Variants in LINGO2 observed in about 807,000 individuals in gnomAD.
LINGO2 encodes the protein leucine rich repeat and Ig domain containing 2.
LINGO2 carries 14 observed loss-of-function variants against 30.6 expected under a neutral mutation model. That is an observed-to-expected ratio of 0.46 (90% CI 0.30 to 0.72). The LOEUF (loss-of-function observed/expected upper bound fraction) is 0.72. Among genes scored for constraint, LINGO2 ranks in the 30% least tolerant of loss-of-function variants. The probability of loss-of-function intolerance (pLI) is 0.07; values close to 1 mark genes in which losing one functional copy is unlikely to be tolerated. For synonymous variants in LINGO2, 317 were observed against 288.5 expected, an observed-to-expected ratio of 1.10 and a Z score of -1.00; for missense variants, 729 against 751.7, an observed-to-expected ratio of 0.97 and a Z score of 0.35.
At chr9:29,005,087 T>C in the LINGO2 span, among the ~76,000 whole-genome samples, 2 of 152,014 alleles carry the variant, frequency 1.3e-5, no homozygotes, top group Admixed American at 6.6e-5. Context: ...ATATGTATCA[T>C]AGAGTTATCA....
chr9:28,173,139 T>TCA (rs1554682219), intron 4 of LINGO2, among the ~76,000 whole-genome samples: 6 of 152,058 alleles, frequency 3.9e-5, no homozygotes, highest in African/African-American at 1.2e-4. Context: ...TCAAGGTCTG[T>TCA]TATATATATA....
the LINGO2 span, among the ~76,000 whole-genome samples, chr9:29,059,127 GA>G: frequency 1.3e-5 from 2 of 151,512 alleles, no homozygotes; most frequent in African/African-American, 4.8e-5. Context: ...ATATTTATGA[GA>G]AAAAATAAAA....
chr9:28,687,025 A>G, the LINGO2 span, among the ~76,000 whole-genome samples: 7 of 152,266 alleles, frequency 4.6e-5, no homozygotes, highest in Admixed American at 4.6e-4. Flanking sequence ...AGACAGTTAC[A>G]TCATTGACCA....
chr9:28,369,441 C>T (rs926374578), intron 3 of LINGO2, among the ~76,000 whole-genome samples: 11 of 152,296 alleles, frequency 7.2e-5, no homozygotes, highest in East Asian at 5.8e-4. Context: ...AACCACTACA[C>T]GTGCTGCCAC....
chr9:28,309,367 G>T (rs1824511421), intron 3 of LINGO2, among the ~76,000 whole-genome samples: 1 of 150,958 alleles, frequency 6.6e-6, no homozygotes, highest in Admixed American at 6.6e-5. Flanking sequence ...TCACTCATAG[G>T]TGGGAATTGA....
At chr9:28,156,999 G>A (rs534551996) in intron 4 of LINGO2, among the ~76,000 whole-genome samples, 4 of 152,298 alleles carry the variant, frequency 2.6e-5, no homozygotes, top group South Asian at 2.1e-4. Context: ...TTCCAGGTGC[G>A]TGGTGCAAAC....
At chr9:28,547,528 G>A (rs1162332794) in intron 1 of LINGO2, among the ~76,000 whole-genome samples, 1 of 152,022 alleles carries the variant, frequency 6.6e-6, no homozygotes, top group African/African-American at 2.4e-5. Context: ...AACAACTTTA[G>A]TTCTTTAAGA....
At chr9:28,231,141 A>C (rs1003366317) in intron 4 of LINGO2, among the ~76,000 whole-genome samples, 2 of 150,360 alleles carry the variant, frequency 1.3e-5, no homozygotes, top group African/African-American at 4.9e-5. Flanking sequence ...GATCAATGAG[A>C]TCAAGGGTTA....
intron 5 of LINGO2, among the ~76,000 whole-genome samples, chr9:27,983,007 C>T (rs903804653): frequency 4.6e-4 from 70 of 151,656 alleles, no homozygotes; most frequent in African/African-American, 1.7e-3. Context: ...GTCACCTTGC[C>T]TCTCCCCACA....
chr9:29,140,397 T>G, the LINGO2 span, among the ~76,000 whole-genome samples: 2 of 151,504 alleles, frequency 1.3e-5, no homozygotes, highest in Non-Finnish European at 2.9e-5. Flanking sequence ...ATACCTGAAT[T>G]TAAAAGCTCA....
chr9:28,923,984 G>C, the LINGO2 span, among the ~76,000 whole-genome samples: 3 of 152,172 alleles, frequency 2.0e-5, no homozygotes, highest in Non-Finnish European at 4.4e-5. Flanking sequence ...GCTCGGTCTA[G>C]AAAACTTTGC....
intron 4 of LINGO2, among the ~76,000 whole-genome samples, chr9:28,045,043 T>C (rs1175034982): frequency 2.6e-5 from 4 of 151,904 alleles, no homozygotes; most frequent in African/African-American, 9.7e-5. Flanking sequence ...GTGGGGGCTC[T>C]GAGAAAGCCA....
At chr9:28,967,803 A>C in the LINGO2 span, among the ~76,000 whole-genome samples, 7 of 152,310 alleles carry the variant, frequency 4.6e-5, no homozygotes, top group East Asian at 1.4e-3. Context: ...TATAGCATAC[A>C]ATCTATTTCT....
At chr9:28,052,050 A>T (rs921946220) in intron 4 of LINGO2, among the ~76,000 whole-genome samples, 1 of 152,048 alleles carries the variant, frequency 6.6e-6, no homozygotes, top group African/African-American at 2.4e-5. Flanking sequence ...CTGCGTTCTT[A>T]TCACTTTGAT....
At chr9:28,595,592 G>A (rs747387915) in intron 1 of LINGO2, among the ~76,000 whole-genome samples, 1 of 152,052 alleles carries the variant, frequency 6.6e-6, no homozygotes, top group Admixed American at 6.6e-5. Context: ...AATAGTGAGT[G>A]TACAAAAATT....
At chr9:27,994,651 A>G (rs1821567340) in intron 5 of LINGO2, among the ~76,000 whole-genome samples, 1 of 152,208 alleles carries the variant, frequency 6.6e-6, no homozygotes, top group African/African-American at 2.4e-5. Context: ...GCAAAGGGCA[A>G]TGAAGAAATT....
the LINGO2 span, among the ~76,000 whole-genome samples, chr9:28,747,087 CA>C: frequency 6.6e-6 from 1 of 151,888 alleles, no homozygotes; most frequent in Admixed American, 6.6e-5. Flanking sequence ...TTTCTGTGCC[CA>C]AAAAGTTGCC....
chr9:28,177,052 T>C (rs552759609), intron 4 of LINGO2, among the ~76,000 whole-genome samples: 6 of 152,330 alleles, frequency 3.9e-5, no homozygotes, highest in African/African-American at 1.4e-4. Context: ...TAGGAATCCC[T>C]GAAAATTTAG....
At chr9:28,356,346 C>T (rs1392665984) in intron 3 of LINGO2, among the ~76,000 whole-genome samples, 2 of 152,074 alleles carry the variant, frequency 1.3e-5, no homozygotes, top group African/African-American at 2.4e-5. Context: ...TAGACCCATA[C>T]CCATGAGATA....
Sources: allele counts gnomAD v4.1 joint callset (sites outside exome capture counted in the v4.1 genomes callset), GRCh38; gene constraint gnomAD v4.1.1; transcripts MANE v1.5; gene names NCBI Gene and HGNC (gene_info 2026-07-23, HGNC 2026-07-21).